Variants in DENND4C observed in about 807,000 individuals in gnomAD.
DENND4C encodes DENN domain-containing protein 4C.
DENND4C carries 108 observed loss-of-function variants against 203.0 expected under a neutral mutation model. That is an observed-to-expected ratio of 0.53 (90% CI 0.46 to 0.62). DENND4C has a LOEUF of 0.62. Ranked by LOEUF, DENND4C falls within the 20% of genes least tolerant of loss-of-function variation. DENND4C has a pLI of 0.00. For synonymous variants in DENND4C, 871 were observed against 792.4 expected (o/e 1.10, Z -1.67); for missense variants, 2,481 against 2,301.2 (o/e 1.08, Z -1.60).
chr9:19,308,754 A>G (rs1840181022), intron 10 of DENND4C, among the ~76,000 whole-genome samples: 1 of 152,136 alleles, frequency 6.6e-6, no homozygotes, highest in Non-Finnish European at 1.5e-5. Context: ...AAATACTATC[A>G]TGGTTATTTC....
chr9:19,260,645 C>G (rs1169247260), intron 1 of DENND4C, among the ~76,000 whole-genome samples: 1 of 152,140 alleles, frequency 6.6e-6, no homozygotes, highest in Non-Finnish European at 1.5e-5. Context: ...GATCCACCCG[C>G]CTTGGTCTCC....
Position 19,276,373 on chromosome 9 carries a change from A to G in DENND4C, c.199A>G (p.Thr67Ala). 8.1e-7 allele frequency: 1 copy of G among 1,232,038 alleles called. No homozygotes were observed. Among genetic ancestry groups the G allele is most frequent in the Non-Finnish European group, 1.0e-6 (1 of 987,898 alleles). 76.3% of individuals were successfully genotyped at this position (1,232,038 alleles called of 1,614,324 possible). A position where few individuals can be genotyped will look rare whatever the true frequency, so the allele number is the denominator to read the frequency against. The part of the protein sequence containing the change: ...VPEGYTCVEA[T>A]PSALQANLNY... ...TGAAGGTTACACCTGTGTAGAAGCC[A>G]CTCCATCAGCTCTCCAAGCAAACTT... The change falls in exon 2 of 33, where the codon ACT becomes GCT. Residue 67 changes from threonine (T) to alanine (A), a missense_variant. Around this residue, in one of 3 missense-constraint regions of DENND4C, gnomAD observed 187 missense variants for 167.4 expected, o/e 1.12. Transcript: ENST00000434457.
intron 26 of DENND4C, among the ~76,000 whole-genome samples, chr9:19,353,868 G>A (rs1342818486): frequency 9.9e-5 from 15 of 152,166 alleles, no homozygotes; most frequent in East Asian, 1.9e-4. Context: ...CCCAGGAGGC[G>A]AAGGTTGCAG....
At chr9:19,239,603 C>T (rs977268687) in intron 1 of DENND4C, among the ~76,000 whole-genome samples, 6 of 152,176 alleles carry the variant, frequency 3.9e-5, no homozygotes, top group African/African-American at 1.4e-4. Context: ...TCTCCTGTCT[C>T]AGCCTCCCGA....
chr9:19,276,637 T>C (rs1271222753), intron 2 of DENND4C, 158 bp downstream of exon 2: 9 of 433,454 alleles, frequency 2.1e-5, no homozygotes, highest in Non-Finnish European at 3.4e-5. Flanking sequence ...AGTAATATAT[T>C]ACATGCCAGT....
At chr9:19,341,243 G>T in intron 21 of DENND4C, 129 bp downstream of exon 21, 1 of 626,094 alleles carries the variant, frequency 1.6e-6, no homozygotes, top group Non-Finnish European at 2.4e-6. Flanking sequence ...AAGATGCTGT[G>T]TACTGTTACA....
chr9:19,308,649 CAG>C (rs1453221788), intron 10 of DENND4C, among the ~76,000 whole-genome samples: 2 of 152,114 alleles, frequency 1.3e-5, no homozygotes, highest in African/African-American at 4.8e-5. Flanking sequence ...TTTTGATAAA[CAG>C]GGGCTCATCT....
At chr9:19,235,512 T>C (rs930308795) in intron 1 of DENND4C, among the ~76,000 whole-genome samples, 1 of 151,636 alleles carries the variant, frequency 6.6e-6, no homozygotes, top group African/African-American at 2.4e-5. Flanking sequence ...TTAAGTAATA[T>C]TGTGGGGCTT....
intron 18 of DENND4C, 41 bp from the exon 19 acceptor site, chr9:19,336,229 A>G: frequency 1.9e-6 from 3 of 1,580,474 alleles, no homozygotes; most frequent in Non-Finnish European, 2.6e-6. Flanking sequence ...AAAATCAGAT[A>G]TTGCTAATGA....
intron 1 of DENND4C, among the ~76,000 whole-genome samples, chr9:19,242,410 T>A (rs998602753): frequency 2.0e-5 from 3 of 152,190 alleles, no homozygotes; most frequent in South Asian, 2.1e-4. Context: ...AACTATAAGT[T>A]TTTAAATCAA....
chr9:19,232,271 T>G (rs1354278493), intron 1 of DENND4C, among the ~76,000 whole-genome samples: 2 of 152,204 alleles, frequency 1.3e-5, no homozygotes, highest in Non-Finnish European at 2.9e-5. Context: ...TTGTTTTTTT[T>G]TTCAGTAGTG....
intron 4 of DENND4C, among the ~76,000 whole-genome samples, chr9:19,289,482 A>T (rs948296943): frequency 1.3e-5 from 2 of 152,200 alleles, no homozygotes; most frequent in Non-Finnish European, 2.9e-5. Context: ...TTTAATTTAT[A>T]ATATAAAAAT....
chr9:19,318,513 C>T (rs1842215048), intron 12 of DENND4C, among the ~76,000 whole-genome samples: 1 of 152,096 alleles, frequency 6.6e-6, no homozygotes, highest in Non-Finnish European at 1.5e-5. Context: ...GAAATAGCCT[C>T]AAGAGGAAAA....
At chr9:19,243,254 C>G (rs978493024) in intron 1 of DENND4C, among the ~76,000 whole-genome samples, 11 of 152,138 alleles carry the variant, frequency 7.2e-5, no homozygotes, top group Non-Finnish European at 1.6e-4. Flanking sequence ...AATATGTGAT[C>G]TTTTGTAACT....
At chr9:19,250,205 G>C (rs1180672450) in intron 1 of DENND4C, among the ~76,000 whole-genome samples, 1 of 152,060 alleles carries the variant, frequency 6.6e-6, no homozygotes, top group East Asian at 1.9e-4. Context: ...CACTTTGGGG[G>C]GCTGAGGCGG....
chr9:19,309,113 T>G lies in DENND4C; in HGVS notation c.1487+3586T>G, dbSNP rs372851689. 1.9e-3 allele frequency among the ~76,000 whole-genome samples: 283 copies of G among 152,190 alleles called. 1 individual carries two copies. Among genetic ancestry groups the G allele is most frequent in the African/African-American group, 6.6e-3 (274 of 41,536 alleles). On this transcript the variant is annotated intron_variant, in intron 10 of 32. Coordinates refer to ENST00000434457, the MANE Select transcript of DENND4C (RefSeq NM_001330640.2). ...GTGACTATGGGATTTCTTTTTGAGGTGATAAAAATATTCTAAAATTGCTTG... is the reference window on the plus strand; with the variant it reads ...GTGACTATGGGATTTCTTTTTGAGGGGATAAAAATATTCTAAAATTGCTTG...
intron 10 of DENND4C, among the ~76,000 whole-genome samples, chr9:19,314,787 A>T (rs1240079281): frequency 6.6e-6 from 1 of 152,124 alleles, no homozygotes; most frequent in Non-Finnish European, 1.5e-5. Flanking sequence ...TGCCCTTTTC[A>T]TTATGCCATG....
rs546090596 is a variant in DENND4C at position 19,368,797 on chromosome 9, C to G, written c.5525-1040C>G. On this transcript the variant is annotated intron_variant, in intron 30 of 32. Transcript: ENST00000434457. The stretch of plus-strand genomic sequence containing the variant: ...CCTGGGTGACGGAGTGAAAAACTGT[C>G]TAAAAAGTTATGAATTACATCATGT... 2.2e-3 allele frequency among the ~76,000 whole-genome samples: 330 copies of G among 151,264 alleles called. 1 individual carries two copies. Among genetic ancestry groups the G allele is most frequent in the African/African-American group, 7.5e-3 (308 of 41,232 alleles).
rs756609363 is a variant in DENND4C, at chr9:19,300,354, A to G, written c.1311+23A>G. 8.1e-6 allele frequency: 12 copies of G among 1,486,272 alleles called. No homozygotes were observed. The East Asian group carries it at 2.6e-4, about 32-fold the overall frequency. The allele number at this position is 1,486,272 out of a possible 1,614,324, so 92.1% of individuals were successfully genotyped here. The stretch of plus-strand genomic sequence containing the variant: ...GCTGTAAGTATAGAATTTTCCTTTT[A>G]GTACAAAATTACTGACATAATTTTT... On this transcript the variant is annotated intron_variant, in intron 9 of 32. Transcript: ENST00000434457.
Sources: allele counts gnomAD v4.1 joint callset (sites outside exome capture counted in the v4.1 genomes callset), GRCh38; gene constraint gnomAD v4.1.1; regional missense constraint gnomAD v4.1.1; transcripts MANE v1.5; gene names NCBI Gene and HGNC (gene_info 2026-07-23, HGNC 2026-07-21).